Variants in WDR26 observed in about 807,000 individuals in gnomAD.
WDR26 encodes the protein WD repeat-containing protein 26.
In WDR26, 5 loss-of-function variants were observed where a neutral mutation model predicts 84.1. The ratio of observed to expected loss-of-function variants is 0.06; its 90% CI spans 0.03 to 0.13. WDR26 has a LOEUF of 0.13. Among genes scored for constraint, WDR26 ranks in the 10% least tolerant of loss-of-function variants. The pLI is 1.00. For synonymous variants in WDR26, 415 were observed against 389.6 expected, an observed-to-expected ratio of 1.07 and a Z score of -0.77; for missense variants, 642 against 974.9, an observed-to-expected ratio of 0.66 and a Z score of 4.55.
chr1:224,412,030 A>T (rs1003303824), intron 6 of WDR26, among the ~76,000 whole-genome samples: 2 of 152,094 alleles, frequency 1.3e-5, no homozygotes, highest in African/African-American at 4.8e-5. Context: ...CCAAAATCAG[A>T]ATAGGCTCCA....
At position 224,434,589 on chromosome 1, in the gene WDR26, G is replaced by A; in HGVS notation, c.-184C>T. ...GGCCCTTTCCCCCCCCCCTCCCGGAGGCAGCTCGGGGTGCGCGGCCCGGGG... is the reference window on the plus strand; with the variant it reads ...GGCCCTTTCCCCCCCCCCTCCCGGAAGCAGCTCGGGGTGCGCGGCCCGGGG... On this transcript the variant is annotated 5_prime_UTR_variant, in exon 1 of 14. Transcript: ENST00000414423. The A allele has an allele frequency of 2.8e-5, 14 of 495,888 alleles. No homozygotes were observed. The highest frequency in any genetic ancestry group is 3.6e-5 in the Non-Finnish European group (14 of 386,156). The allele number at this position is 495,888 out of a possible 1,614,324, so 30.7% of individuals were successfully genotyped here.
chr1:224,400,974 A>G lies in WDR26; in HGVS notation c.1695T>C (p.Gly565=), dbSNP rs1359403700. 3.1e-6 allele frequency: 5 copies of G among 1,613,916 alleles called. No homozygotes were observed. In the South Asian group the frequency reaches 5.5e-5, roughly 18 times the overall value. The change falls in exon 9 of 14, where the codon GGT becomes GGC. Residue 565 remains glycine, a synonymous_variant. Transcript: ENST00000414423. Reference sequence around the variant, plus strand: ...CACACTGATAGAACTGCCCACGCTGACCTCCAGTCACAAAGCGCTTCCCAT... The same window carrying G: ...CACACTGATAGAACTGCCCACGCTGGCCTCCAGTCACAAAGCGCTTCCCAT...
At chr1:224,407,151 A>AAATATATATATATATAT in intron 7 of WDR26, among the ~76,000 whole-genome samples, 1 of 11,874 alleles carries the variant, frequency 8.4e-5, no homozygotes, top group South Asian at 4.8e-3. Context: ...AAAAAAAAAA[A>AAATATATATATATATAT]ATATATATAT....
chr1:224,412,542 A>G (rs1673768012), intron 6 of WDR26, among the ~76,000 whole-genome samples: 1 of 152,224 alleles, frequency 6.6e-6, no homozygotes, highest in Non-Finnish European at 1.5e-5. Context: ...ATGGCAGCTA[A>G]TATTATATAT....
chr1:224,424,437 G>C, intron 4 of WDR26, 81 bp downstream of exon 4: 1 of 1,542,628 alleles, frequency 6.5e-7, no homozygotes, highest in Admixed American at 2.0e-5. Context: ...CAATAATCAA[G>C]ATTTTATATT....
At chr1:224,425,438 C>T (rs1474966047) in intron 3 of WDR26, among the ~76,000 whole-genome samples, 1 of 152,226 alleles carries the variant, frequency 6.6e-6, no homozygotes, top group South Asian at 2.1e-4. Flanking sequence ...AATTATTATT[C>T]GCTCTTTTCT....
chr1:224,391,858 T>C (rs1174842395), intron 13 of WDR26, among the ~76,000 whole-genome samples: 1 of 152,230 alleles, frequency 6.6e-6, no homozygotes, highest in African/African-American at 2.4e-5. Flanking sequence ...CATCTGGTTA[T>C]ACAAGTACTG....
intron 3 of WDR26, chr1:224,431,257 G>T: frequency 1.4e-5 from 6 of 429,234 alleles, no homozygotes; most frequent in Admixed American, 3.8e-5. Context: ...TATATTTTTT[G>T]TAGAGCTTAA....
intron 4 of WDR26, among the ~76,000 whole-genome samples, chr1:224,421,042 T>C (rs937531038): frequency 2.6e-5 from 4 of 152,198 alleles, no homozygotes; most frequent in South Asian, 4.1e-4. Context: ...TGAAAATACA[T>C]ATTAAATCTT....
In WDR26 at chr1:224,411,414, T is replaced by A. The variant is rs200131080; in HGVS notation, c.1458+13A>T. The A allele has an allele frequency of 1.9e-6, 3 of 1,599,288 alleles. No homozygotes were observed. The East Asian group carries it at 6.7e-5, about 36-fold the overall frequency. On this transcript the variant is annotated intron_variant, in intron 7 of 13. Transcript: ENST00000414423. ...CCCTTTTGTAATATAAACACTCATA[T>A]TGGGGTACATACCGGATCAACTTGC... is the stretch of plus-strand genomic sequence containing the variant.
chr1:224,413,289 CT>C, intron 6 of WDR26: 2 of 1,240,714 alleles, frequency 1.6e-6, no homozygotes, highest in Middle Eastern at 2.3e-4. Context: ...TTCCTTGCTT[CT>C]TTTCCCAATC....
chr1:224,433,620 C>CCCA, intron 1 of WDR26, 64 bp downstream of exon 1: 1 of 1,177,780 alleles, frequency 8.5e-7, no homozygotes, highest in Non-Finnish European at 1.1e-6. Flanking sequence ...GCCCCTTCCC[C>CCCA]TACCCCCCTG....
At position 224,434,073 on chromosome 1, in the gene WDR26, T is replaced by A. The variant is rs1196801053; in HGVS notation, c.333A>T (p.Gly111=). Residue 111 remains glycine, a synonymous_variant, in exon 1 of 14, where the codon GGA becomes GGT. Transcript: ENST00000414423. ...CTCCTCCACCGCCGCCGCCGCCACC[T>A]CCTCCTCCTCCTCCTGCCCCATTGG... 2.9e-6 allele frequency: 4 copies of A among 1,391,574 alleles called. No individual in the cohort carries two copies. The highest frequency in any genetic ancestry group is 3.7e-6 in the Non-Finnish European group (4 of 1,068,808). 86.2% of individuals were successfully genotyped at this position (1,391,574 alleles called of 1,614,324 possible).
At chr1:224,425,344 A>G (rs554544915) in intron 3 of WDR26, among the ~76,000 whole-genome samples, 2 of 152,336 alleles carry the variant, frequency 1.3e-5, no homozygotes, top group African/African-American at 4.8e-5. Context: ...GGTTGAACTT[A>G]AAGGTTTTTA....
At chr1:224,429,961 T>TCA (rs981038593) in intron 3 of WDR26, 1 of 152,206 alleles carries the variant, frequency 6.6e-6, no homozygotes, top group Admixed American at 6.5e-5. Flanking sequence ...CTCCAAGAAA[T>TCA]CACACACATT....
At chr1:224,390,945 T>G (rs1572151331) in intron 13 of WDR26, among the ~76,000 whole-genome samples, 1 of 152,172 alleles carries the variant, frequency 6.6e-6, no homozygotes, top group East Asian at 1.9e-4. Flanking sequence ...TGTCTATAGA[T>G]CTGTCTAGAC....
chr1:224,404,483 G>C lies in WDR26; in HGVS notation c.1546C>G (p.Leu516Val). ...CAGTCATCTGGGCCACAAGCAACAA[G>C]ATAGTTGTCATCTGGACTCCATGCA... The change falls in exon 8 of 14, where the codon CTT (leucine) becomes GTT (valine). Residue 516 changes from leucine (L) to valine (V), a missense_variant. Physicochemically the swap from Leu to Val is conservative, Grantham distance 32. Transcript: ENST00000414423. 6.2e-7 allele frequency: 1 copy of C among 1,614,110 alleles called. No individual in the cohort carries two copies. The highest frequency in any genetic ancestry group is 8.5e-7 in the Non-Finnish European group (1 of 1,179,996).
intron 1 of WDR26, 123 bp from the exon 2 acceptor site, chr1:224,431,904 A>G: frequency 2.9e-6 from 2 of 699,466 alleles, no homozygotes; most frequent in Non-Finnish European, 4.2e-6. Flanking sequence ...GAAGAAAAAA[A>G]TAGCTTTCAT....
At chr1:224,399,336 G>C (rs1673348000) in intron 9 of WDR26, among the ~76,000 whole-genome samples, 1 of 152,058 alleles carries the variant, frequency 6.6e-6, no homozygotes, top group Admixed American at 6.6e-5. Context: ...TCCAAGTAAG[G>C]TCTTACTTTT....
Sources: allele counts gnomAD v4.1 joint callset (sites outside exome capture counted in the v4.1 genomes callset), GRCh38; gene constraint gnomAD v4.1.1; transcripts MANE v1.5; gene names NCBI Gene and HGNC (gene_info 2026-07-23, HGNC 2026-07-21).